The following PLEKHA8 variants were observed in gnomAD, a reference collection of about 807,000 sequenced individuals.
PLEKHA8 encodes pleckstrin homology domain containing A8.
Under a neutral mutation model 68.2 loss-of-function variants are expected in PLEKHA8, and 36 were observed. The observed-to-expected ratio is 0.53, with a 90% CI of 0.40 to 0.70. The LOEUF is 0.70. PLEKHA8 is among the 30% of genes least tolerant of loss of function. PLEKHA8 has a pLI of 0.00. For synonymous variants in PLEKHA8, 211 were observed against 216.1 expected (o/e 0.98, Z 0.20); for missense variants, 505 against 615.4 (o/e 0.82, Z 1.90).
At chr7:30,060,010 G>A (rs139929735) in intron 9 of PLEKHA8, among the ~76,000 whole-genome samples, 23 of 151,968 alleles carry the variant, frequency 1.5e-4, no homozygotes, top group African/African-American at 5.3e-4. Flanking sequence ...GATGGCACAT[G>A]CCTGTAATCC....
At chr7:30,077,989 G>A (rs1200661402) in intron 13 of PLEKHA8, among the ~76,000 whole-genome samples, 1 of 152,140 alleles carries the variant, frequency 6.6e-6, no homozygotes, top group Non-Finnish European at 1.5e-5. Context: ...ATATAAAATA[G>A]AGATATAAAC....
At chr7:30,070,547 CTTTT>C (rs34425647) in intron 12 of PLEKHA8, among the ~76,000 whole-genome samples, 1 of 137,336 alleles carries the variant, frequency 7.3e-6, no homozygotes. Context: ...GAATCCAGAG[CTTTT>C]TTTTTTTTTT....
chr7:30,083,327 A>G lies in PLEKHA8; in HGVS notation c.*4540A>G, dbSNP rs1311844264. On this transcript the variant is annotated 3_prime_UTR_variant, in exon 14 of 14. Transcript: ENST00000449726. The stretch of plus-strand genomic sequence containing the variant: ...CTCAGGGGTTTCATAGTCATTTCAT[A>G]AAAAATAATTCACTAGCTGTCTAAT... 1 of 984,970 alleles carries G rather than the reference A, an allele frequency of 1.0e-6. No individual in the cohort carries two copies. Among genetic ancestry groups the G allele is most frequent in the Non-Finnish European group, 1.2e-6 (1 of 829,632 alleles). The allele number at this position is 984,970 out of a possible 1,614,324, so 61.0% of individuals were successfully genotyped here.
At chr7:30,066,569 A>G (rs1000510509) in intron 12 of PLEKHA8, among the ~76,000 whole-genome samples, 2 of 152,200 alleles carry the variant, frequency 1.3e-5, no homozygotes, top group Non-Finnish European at 2.9e-5. Flanking sequence ...AGTTGGGTTC[A>G]CAAGGCAGAT....
chr7:30,044,274 G>A (rs979877753), intron 1 of PLEKHA8, among the ~76,000 whole-genome samples: 1 of 152,038 alleles, frequency 6.6e-6, no homozygotes, highest in Non-Finnish European at 1.5e-5. Context: ...CAAAGTGCTG[G>A]GATTACAGGC....
At position 30,082,579 on chromosome 7, in the gene PLEKHA8, T is replaced by C; in HGVS notation, c.*3792T>C. The C allele has an allele frequency of 4.1e-6, 4 of 985,348 alleles. No individual in the cohort carries two copies. The highest frequency in any genetic ancestry group is 4.8e-6 in the Non-Finnish European group (4 of 829,858). The allele number at this position is 985,348 out of a possible 1,614,324, so 61.0% of individuals were successfully genotyped here. On this transcript the variant is annotated 3_prime_UTR_variant, in exon 14 of 14. Transcript: ENST00000449726. ...TGCAGCGGAAAAAAATTTGCACTCTTCTCCTTTTGGTTATTACTTTCCAAA... is the reference window on the plus strand; with the variant it reads ...TGCAGCGGAAAAAAATTTGCACTCTCCTCCTTTTGGTTATTACTTTCCAAA...
rs1340939222 is a variant in PLEKHA8, at chr7:30,080,945, A to T, written c.*2158A>T. 3 of 985,252 alleles carry T rather than the reference A, an allele frequency of 3.0e-6. No individual in the cohort carries two copies. The highest frequency in any genetic ancestry group is 3.6e-6 in the Non-Finnish European group (3 of 829,926). 61.0% of individuals were successfully genotyped at this position (985,252 alleles called of 1,614,324 possible). A position where few individuals can be genotyped will look rare whatever the true frequency, so the allele number is the denominator to read the frequency against. On this transcript the variant is annotated 3_prime_UTR_variant, in exon 14 of 14. Transcript: ENST00000449726. ...GTGGTTGTTAGAATTGTGCAGTGTG[A>T]TCATTCTAAACAGCTGCTGGTGCTC...
At chr7:30,077,702 C>G (rs1288665683) in intron 13 of PLEKHA8, among the ~76,000 whole-genome samples, 4 of 152,118 alleles carry the variant, frequency 2.6e-5, no homozygotes, top group African/African-American at 9.7e-5. Context: ...ATGGGGAGGT[C>G]TGATTCTCAA....
At chr7:30,070,570 G>C (rs1353760643) in intron 12 of PLEKHA8, among the ~76,000 whole-genome samples, 1 of 145,530 alleles carries the variant, frequency 6.9e-6, no homozygotes, top group African/African-American at 2.6e-5. Flanking sequence ...TTTTGAGACA[G>C]AGTTTCTATG....
intron 13 of PLEKHA8, among the ~76,000 whole-genome samples, chr7:30,105,976 C>T (rs966579261): frequency 1.3e-5 from 2 of 151,756 alleles, no homozygotes; most frequent in African/African-American, 2.4e-5. Context: ...ACAGAATTCC[C>T]TATTCAAATA....
downstream of PLEKHA8, chr7:30,130,045 A>G (rs563665561): frequency 1.3e-5 from 2 of 152,406 alleles, 1 homozygote; most frequent in Admixed American, 1.3e-4. Context: ...AGGCTGCCAT[A>G]GAATCACAGC....
intron 13 of PLEKHA8, among the ~76,000 whole-genome samples, chr7:30,102,776 G>A (rs962148101): frequency 2.6e-5 from 4 of 152,224 alleles, no homozygotes; most frequent in South Asian, 2.1e-4. Flanking sequence ...ACCCAGGTGT[G>A]GTGGCTCACA....
At chr7:30,077,365 T>A (rs1017623755) in intron 13 of PLEKHA8, among the ~76,000 whole-genome samples, 1 of 152,160 alleles carries the variant, frequency 6.6e-6, no homozygotes, top group Non-Finnish European at 1.5e-5. Context: ...TCTGGGAGAT[T>A]TTCTTTTGTT....
In PLEKHA8 at chr7:30,058,470, TC is replaced by T. The variant is rs528703477; in HGVS notation, c.1040-2413del. On this transcript the variant is annotated intron_variant, in intron 9 of 13. Coordinates refer to ENST00000449726, the MANE Select transcript of PLEKHA8 (RefSeq NM_001197026.2). ...GTGGTGTGAGGTAGGGAGTTGAGGTTCTTTTTTTTTTTTTTTTTTCCTTGTG... is the reference window on the plus strand; with the variant it reads ...GTGGTGTGAGGTAGGGAGTTGAGGTTTTTTTTTTTTTTTTTTTTCCTTGTG... Among the ~76,000 whole-genome samples, 4 of 142,130 alleles carry T rather than the reference TC, an allele frequency of 2.8e-5. No individual in the cohort carries two copies. The South Asian group carries it at 8.7e-4, about 31-fold the overall frequency. The allele number at this position is 142,130 out of a possible 152,430, so 93.2% of individuals were successfully genotyped here.
At position 30,055,267 on chromosome 7, in the gene PLEKHA8, A is replaced by G. The variant is rs1792749070; in HGVS notation, c.964A>G (p.Ile322Val). ...FSTMNTSFSD[I>V]ELLEDSGIPT... ...CACCAAATTATGTAGCTTTAGTGAC[A>G]TTGAACTTCTGGAAGACAGTGGCAT... Residue 322 changes from isoleucine (I) to valine (V), a missense_variant, in exon 9 of 14, where the codon ATT becomes GTT. Ile to Val is a conservative substitution (Grantham distance 29). Transcript: ENST00000449726. 1 of 1,614,070 alleles carries G rather than the reference A, an allele frequency of 6.2e-7. No homozygotes were observed.
intron 5 of PLEKHA8, among the ~76,000 whole-genome samples, chr7:30,049,708 T>C (rs1474436465): frequency 6.6e-6 from 1 of 152,230 alleles, no homozygotes; most frequent in African/African-American, 2.4e-5. Flanking sequence ...ATTAATGCAG[T>C]ATAAATTGAA....
intron 13 of PLEKHA8, among the ~76,000 whole-genome samples, chr7:30,116,492 A>T (rs930761730): frequency 6.6e-6 from 1 of 152,144 alleles, no homozygotes; most frequent in Non-Finnish European, 1.5e-5. Flanking sequence ...AGGATAAATG[A>T]GGGGCATCTT....
chr7:30,066,149 T>TA (rs1275613351), intron 12 of PLEKHA8, among the ~76,000 whole-genome samples: 2 of 152,246 alleles, frequency 1.3e-5, no homozygotes, highest in African/African-American at 4.8e-5. Flanking sequence ...TGAAATTAGT[T>TA]ATAGCATCAG....
At chr7:30,119,009 T>C (rs1477149435) in intron 13 of PLEKHA8, among the ~76,000 whole-genome samples, 5 of 152,222 alleles carry the variant, frequency 3.3e-5, no homozygotes, top group Non-Finnish European at 5.9e-5. Context: ...TCTTCCTCCA[T>C]TCAATCAATG....
Sources: gnomAD v4.1 joint callset for allele counts (sites outside exome capture counted in the v4.1 genomes callset) on GRCh38, gnomAD v4.1.1 for gene constraint, MANE v1.5 for transcripts, NCBI Gene and HGNC (gene_info 2026-07-23, HGNC 2026-07-21) for gene names.